The following RORA variants were observed in gnomAD, a reference collection of about 807,000 sequenced individuals.
The protein encoded by RORA is nuclear receptor ROR-alpha.
RORA carries 7 observed loss-of-function variants against 69.5 expected under a neutral mutation model. That is an observed-to-expected ratio of 0.10 (90% CI 0.06 to 0.19). The LOEUF (loss-of-function observed/expected upper bound fraction) is 0.19, where lower values mean the gene tolerates loss of function less well. Among genes scored for constraint, RORA ranks in the 10% least tolerant of loss-of-function variants. RORA has a pLI of 1.00. For missense variants in RORA, 457 were observed against 663.0 expected (o/e 0.69, Z 3.41); for synonymous variants, 261 against 240.8 (o/e 1.08, Z -0.78).
chr15:61,178,122 A>G (rs987458507), intron 1 of RORA, among the ~76,000 whole-genome samples: 3 of 152,220 alleles, frequency 2.0e-5, no homozygotes, highest in African/African-American at 7.2e-5. Context: ...GTGTGTTTAA[A>G]ATACTCGGAT....
intron 1 of RORA, among the ~76,000 whole-genome samples, chr15:61,171,411 G>A (rs2079584111): frequency 6.6e-6 from 1 of 152,280 alleles, no homozygotes; most frequent in South Asian, 2.1e-4. Context: ...CACCCCCAGA[G>A]TTCAGTAGGT....
At position 60,524,402 on chromosome 15, in the gene RORA, C is replaced by T. The variant is rs1385170275; in HGVS notation, c.282+7364G>A. Among the ~76,000 whole-genome samples the T allele has an allele frequency of 7.2e-5, 11 of 152,282 alleles. No individual in the cohort carries two copies. The East Asian group carries it at 1.4e-3, about 19-fold the overall frequency. ...GATGACCAGGCAATGACCACATGTC[C>T]GGGCAGCTCTTCTCAAAGTCATAGA... On this transcript the variant is annotated intron_variant, in intron 3 of 10. Transcript: ENST00000335670.
intron 1 of RORA, among the ~76,000 whole-genome samples, chr15:61,049,881 G>A (rs1172156166): frequency 6.6e-5 from 10 of 152,062 alleles, no homozygotes; most frequent in African/African-American, 9.7e-5. Flanking sequence ...GAATGGTCTC[G>A]AACTCCTGAC....
At chr15:60,817,179 CGG>C (rs1445990615) in intron 1 of RORA, among the ~76,000 whole-genome samples, 3 of 152,130 alleles carry the variant, frequency 2.0e-5, no homozygotes, top group Non-Finnish European at 2.9e-5. Context: ...AGGCAAATGT[CGG>C]AGAGATTGTG....
intron 1 of RORA, among the ~76,000 whole-genome samples, chr15:60,759,455 A>T: frequency 6.6e-6 from 1 of 152,192 alleles, no homozygotes; most frequent in East Asian, 1.9e-4. Flanking sequence ...ATACATCATC[A>T]AACGGGGGGC....
chr15:60,514,923 C>T (rs547052667), intron 3 of RORA, among the ~76,000 whole-genome samples, 166 bp from the exon 4 acceptor site: 2 of 152,098 alleles, frequency 1.3e-5, no homozygotes, highest in Non-Finnish European at 2.9e-5. Flanking sequence ...CTTCTTTTTC[C>T]TTGAGTAAAA....
At chr15:61,029,645 T>C (rs1181523609) in intron 1 of RORA, among the ~76,000 whole-genome samples, 2 of 152,124 alleles carry the variant, frequency 1.3e-5, no homozygotes, top group African/African-American at 4.8e-5. Context: ...ATGTGTAAGA[T>C]GTTAAATCAA....
chr15:60,538,704 A>G (rs1009923323), intron 2 of RORA, among the ~76,000 whole-genome samples: 3 of 152,172 alleles, frequency 2.0e-5, no homozygotes, highest in Non-Finnish European at 4.4e-5. Context: ...TCCTTGACCT[A>G]GCTTTATCTA....
intron 1 of RORA, among the ~76,000 whole-genome samples, chr15:60,739,289 G>A (rs1235764350): frequency 5.3e-5 from 8 of 152,094 alleles, no homozygotes; most frequent in Non-Finnish European, 8.8e-5. Flanking sequence ...TTTTTGGTTT[G>A]GGGCTGGGCG....
At chr15:60,566,613 T>A (rs1567092451) in intron 2 of RORA, among the ~76,000 whole-genome samples, 1 of 152,222 alleles carries the variant, frequency 6.6e-6, no homozygotes, top group Non-Finnish European at 1.5e-5. Flanking sequence ...GATGACTAGA[T>A]GAATACATGG....
At position 61,117,194 on chromosome 15, in the gene RORA, T is replaced by A. The variant is rs907531482; in HGVS notation, c.166+111859A>T. 9.7e-4 allele frequency among the ~76,000 whole-genome samples: 147 copies of A among 150,796 alleles called. 4 individuals carry two copies. Among genetic ancestry groups the A allele is most frequent in the Non-Finnish European group, 2.5e-4 (17 of 67,788 alleles). ...TAAAAGTTACTTTTTTTTTTTTTTT[T>A]AACATAAACTGCCTCAGCCAACAAA... is the stretch of plus-strand genomic sequence containing the variant. On this transcript the variant is annotated intron_variant, in intron 1 of 10. Coordinates refer to ENST00000335670, the MANE Select transcript of RORA (RefSeq NM_134261.3).
intron 1 of RORA, among the ~76,000 whole-genome samples, chr15:61,205,531 G>T (rs1052535510): frequency 2.6e-5 from 4 of 152,196 alleles, no homozygotes. Context: ...AGTCAGCTAA[G>T]ACAGTGAGGA....
intron 1 of RORA, among the ~76,000 whole-genome samples, chr15:61,089,010 C>T (rs370867839): frequency 6.6e-6 from 1 of 152,198 alleles, no homozygotes; most frequent in African/African-American, 2.4e-5. Context: ...CTACACCCAA[C>T]ACCAGCTCTG....
chr15:60,565,782 A>T (rs2067697188), intron 2 of RORA, among the ~76,000 whole-genome samples: 1 of 152,208 alleles, frequency 6.6e-6, no homozygotes, highest in Non-Finnish European at 1.5e-5. Context: ...TGTGGCCTGA[A>T]TTGATAAAGT....
At chr15:60,604,004 G>A (rs1567118752) in intron 2 of RORA, among the ~76,000 whole-genome samples, 1 of 151,970 alleles carries the variant, frequency 6.6e-6, no homozygotes. Context: ...CGGGCATGGT[G>A]GTGCGTGCCT....
intron 2 of RORA, among the ~76,000 whole-genome samples, chr15:60,607,704 T>C (rs1349726733): frequency 6.6e-6 from 1 of 152,240 alleles, no homozygotes; most frequent in East Asian, 1.9e-4. Context: ...TTGTAAATAT[T>C]TACTGGAGTG....
chr15:60,850,070 G>A (rs1042681280), intron 1 of RORA, among the ~76,000 whole-genome samples: 10 of 152,130 alleles, frequency 6.6e-5, no homozygotes, highest in African/African-American at 2.4e-4. Flanking sequence ...CAAGCATGGC[G>A]GTATAGCTAA....
At chr15:60,603,972 T>G (rs2068881451) in intron 2 of RORA, among the ~76,000 whole-genome samples, 1 of 151,782 alleles carries the variant, frequency 6.6e-6, no homozygotes, top group Non-Finnish European at 1.5e-5. Flanking sequence ...CCGTCTCTAC[T>G]GAAAATACAA....
chr15:61,048,622 T>A (rs990583059), intron 1 of RORA, among the ~76,000 whole-genome samples: 9 of 152,198 alleles, frequency 5.9e-5, no homozygotes, highest in African/African-American at 1.9e-4. Flanking sequence ...ACAGGGACTA[T>A]CTGCTGCTGT....
Sources: allele counts gnomAD v4.1 joint callset (sites outside exome capture counted in the v4.1 genomes callset), GRCh38; gene constraint gnomAD v4.1.1; transcripts MANE v1.5; gene names NCBI Gene and HGNC (gene_info 2026-07-23, HGNC 2026-07-21).